VPS54: variants seen among roughly 807,000 people sequenced by gnomAD.
VPS54 encodes the protein vacuolar protein sorting-associated protein 54.
VPS54 carries 45 observed loss-of-function variants against 121.5 expected under a neutral mutation model. That is an observed-to-expected ratio of 0.37 (90% CI 0.29 to 0.47). VPS54 has a LOEUF of 0.47. VPS54 is among the 20% of genes least tolerant of loss of function. VPS54 has a pLI of 0.99. For synonymous variants in VPS54, 371 were observed against 385.8 expected (o/e 0.96, Z 0.45); for missense variants, 1,090 against 1,131.4 (o/e 0.96, Z 0.52).
At chr2:63,961,784 A>T (rs1275555057) in intron 7 of VPS54, among the ~76,000 whole-genome samples, 2 of 152,124 alleles carry the variant, frequency 1.3e-5, no homozygotes, top group Non-Finnish European at 2.9e-5. Flanking sequence ...AACACTTTCA[A>T]AATGTTAATG....
At chr2:64,012,962 G>A (rs941985547) in intron 1 of VPS54, among the ~76,000 whole-genome samples, 16 of 152,194 alleles carry the variant, frequency 1.1e-4, no homozygotes, top group Non-Finnish European at 5.9e-5. Context: ...GGTAATAAAA[G>A]TAGAAGGAAT....
rs368955137 is a variant in VPS54 at position 63,978,423 on chromosome 2, A to AC, written c.378+3222dup. On this transcript the variant is annotated intron_variant, in intron 3 of 22. Coordinates refer to ENST00000272322, the MANE Select transcript of VPS54 (RefSeq NM_016516.3). ...CTCTCAAATTTTGCTCACCTGCCTC[A>AC]CCTTATCCTAGAACCAGACCTGTCT... 4.2e-3 allele frequency among the ~76,000 whole-genome samples: 637 copies of AC among 152,270 alleles called. 6 individuals are homozygous for AC. Among genetic ancestry groups the AC allele is most frequent in the African/African-American group, 0.014 (585 of 41,542 alleles).
intron 21 of VPS54, 100 bp from the exon 22 acceptor site, chr2:63,897,690 C>G: frequency 4.3e-6 from 3 of 697,434 alleles, no homozygotes; most frequent in Non-Finnish European, 4.5e-6. Flanking sequence ...AAAACCAAAA[C>G]CTTTGCTTTG....
chr2:63,978,393 A>G (rs185745134), intron 3 of VPS54, among the ~76,000 whole-genome samples: 79 of 152,314 alleles, frequency 5.2e-4, no homozygotes, highest in Admixed American at 8.5e-4. Flanking sequence ...CTCAGATTTC[A>G]GTGCCTCTCA....
At chr2:63,983,616 G>T (rs148172760) in intron 2 of VPS54, among the ~76,000 whole-genome samples, 1 of 150,860 alleles carries the variant, frequency 6.6e-6, no homozygotes, top group Non-Finnish European at 1.5e-5. Flanking sequence ...CTAATTTTTT[G>T]TAGTTTTAGT....
At position 63,916,976 on chromosome 2, in the gene VPS54, G is replaced by T; in HGVS notation, c.2165-13C>A. 3.7e-6 allele frequency: 6 copies of T among 1,613,060 alleles called. No homozygotes were observed. Among genetic ancestry groups the T allele is most frequent in the Non-Finnish European group, 4.2e-6 (5 of 1,179,360 alleles). ...CTTTCTTCTGTGGCTACAGAGTTAA[G>T]CAAATAAACGAGAGACAAGAGTACC... is the stretch of plus-strand genomic sequence containing the variant. On this transcript the variant is annotated splice_polypyrimidine_tract_variant and intron_variant, in intron 15 of 22. Transcript: ENST00000272322.
At chr2:63,937,528 C>A (rs374835899) in intron 11 of VPS54, among the ~76,000 whole-genome samples, 1 of 152,128 alleles carries the variant, frequency 6.6e-6, no homozygotes, top group South Asian at 2.1e-4. Context: ...AAACTGAAAC[C>A]CTGCACTATT....
In VPS54 at chr2:63,893,223, C is replaced by A. The variant is rs1356839693; in HGVS notation, c.*207G>T. The A allele has an allele frequency of 1.6e-6, 1 of 632,476 alleles. No homozygotes were observed. Among genetic ancestry groups the A allele is most frequent in the Non-Finnish European group, 2.9e-6 (1 of 348,354 alleles). 39.2% of individuals were successfully genotyped at this position (632,476 alleles called of 1,614,324 possible). A position where few individuals can be genotyped will look rare whatever the true frequency, so the allele number is the denominator to read the frequency against. On this transcript the variant is annotated 3_prime_UTR_variant, in exon 23 of 23. Transcript: ENST00000272322. Reference sequence around the variant, plus strand: ...AATGTTATAGACACCTGATCAGTTACTCCTCACTGTAGGATGCACAAAAAT... The same window carrying A: ...AATGTTATAGACACCTGATCAGTTAATCCTCACTGTAGGATGCACAAAAAT...
chr2:63,994,430 G>A (rs567088507), intron 1 of VPS54, among the ~76,000 whole-genome samples: 5 of 150,652 alleles, frequency 3.3e-5, no homozygotes, highest in Admixed American at 3.3e-4. Context: ...CACTCACCTG[G>A]ATGGACGCTC....
chr2:64,008,598 A>C (rs947857410), intron 1 of VPS54, among the ~76,000 whole-genome samples: 1 of 152,178 alleles, frequency 6.6e-6, no homozygotes, highest in Non-Finnish European at 1.5e-5. Context: ...GGACTTTGTC[A>C]GTCAACAGTG....
chr2:64,003,844 C>G (rs1455865970), intron 1 of VPS54, among the ~76,000 whole-genome samples: 4 of 152,134 alleles, frequency 2.6e-5, no homozygotes. Context: ...TCCCCCAACC[C>G]CAACCACCAG....
chr2:63,940,129 A>C (rs575909548), intron 11 of VPS54, among the ~76,000 whole-genome samples: 1 of 152,164 alleles, frequency 6.6e-6, no homozygotes, highest in African/African-American at 2.4e-5. Context: ...TTGGCTGTAT[A>C]TAATATTCCA....
chr2:63,934,576 T>C (rs1042231169), intron 11 of VPS54, among the ~76,000 whole-genome samples: 3 of 152,164 alleles, frequency 2.0e-5, no homozygotes, highest in Non-Finnish European at 4.4e-5. Context: ...TTCCTTCTCA[T>C]CACTGAGGTT....
Position 63,916,901 on chromosome 2 carries a change from C to T in VPS54, c.2227G>A (p.Gly743Arg), listed in dbSNP as rs1349368624. 6.2e-7 allele frequency: 1 copy of T among 1,613,210 alleles called. No homozygotes were observed. The highest frequency in any genetic ancestry group is 8.5e-7 in the Non-Finnish European group (1 of 1,179,470). Residue 743 changes from glycine (G) to arginine (R), a missense_variant and splice_region_variant, in exon 16 of 23, where the codon GGA becomes AGA. Physicochemically the swap from Gly to Arg is moderately radical, Grantham distance 125. This residue lies in a region of VPS54 where 289 missense variants were observed against 374.4 expected (regional missense o/e 0.77). Coordinates refer to ENST00000272322, the MANE Select transcript of VPS54 (RefSeq NM_016516.3). The part of the protein sequence containing the change: ...IVEGQQYAVV[G>R]TVLLLIRIIL... Reference sequence around the variant, plus strand: ...ACTAAAGAAAAATGTGTCACTCACCCAACAACTGCATACTGTTGTCCCTCG... The same window carrying T: ...ACTAAAGAAAAATGTGTCACTCACCTAACAACTGCATACTGTTGTCCCTCG...
chr2:64,016,388 C>G (rs1015640481), intron 1 of VPS54, among the ~76,000 whole-genome samples: 1 of 151,936 alleles, frequency 6.6e-6, no homozygotes, highest in Non-Finnish European at 1.5e-5. Context: ...AAAAGCTTTT[C>G]AAGAAGCTAT....
chr2:64,006,815 C>G (rs1030342050), intron 1 of VPS54, among the ~76,000 whole-genome samples: 7 of 152,086 alleles, frequency 4.6e-5, no homozygotes, highest in Non-Finnish European at 8.8e-5. Flanking sequence ...GACAGGGTTT[C>G]GCCATATTGG....
At chr2:63,942,099 A>G (rs1674767149) in intron 11 of VPS54, among the ~76,000 whole-genome samples, 1 of 151,774 alleles carries the variant, frequency 6.6e-6, no homozygotes, top group Non-Finnish European at 1.5e-5. Context: ...TTAAAACACC[A>G]TTATATCAAC....
chr2:63,991,953 TCTTTGC>T (rs1439813703), intron 1 of VPS54, among the ~76,000 whole-genome samples: 1 of 152,206 alleles, frequency 6.6e-6, no homozygotes, highest in Non-Finnish European at 1.5e-5. Flanking sequence ...ACTACCTAAC[TCTTTGC>T]CTTTAATTGT....
At chr2:64,015,651 G>A (rs2104715637) in intron 1 of VPS54, among the ~76,000 whole-genome samples, 1 of 152,226 alleles carries the variant, frequency 6.6e-6, no homozygotes, top group East Asian at 1.9e-4. Flanking sequence ...ATTTCCCTTG[G>A]AGTCAAAACC....
Sources: allele counts gnomAD v4.1 joint callset (sites outside exome capture counted in the v4.1 genomes callset), GRCh38; gene constraint gnomAD v4.1.1; regional missense constraint gnomAD v4.1.1; transcripts MANE v1.5; gene names NCBI Gene and HGNC (gene_info 2026-07-23, HGNC 2026-07-21).